Variants in ZNF787 observed in about 807,000 individuals in gnomAD.
ZNF787 encodes zinc finger protein 787, also known as TTF-I-interacting peptide 20.
ZNF787 carries 7 observed loss-of-function variants against 16.9 expected under a neutral mutation model. That is an observed-to-expected ratio of 0.42 (90% CI 0.24 to 0.78). The LOEUF is 0.78. Among genes scored for constraint, ZNF787 ranks in the 30% least tolerant of loss-of-function variants. The pLI, the probability that ZNF787 is intolerant of heterozygous loss-of-function variation, is 0.30. For missense variants in ZNF787, 551 were observed against 589.3 expected, an observed-to-expected ratio of 0.94 and a Z score of 0.67; for synonymous variants, 345 against 270.9, an observed-to-expected ratio of 1.27 and a Z score of -2.69.
In ZNF787 at chr19:56,108,070, G is replaced by A. The variant is rs376638983; in HGVS notation, c.-10-4843C>T. On this transcript the variant is annotated intron_variant, in intron 1 of 2. Coordinates refer to ENST00000610935, the MANE Select transcript of ZNF787 (RefSeq NM_001002836.4). The stretch of plus-strand genomic sequence containing the variant: ...GAGACCCTCGGGTCCCCTGCAACAC[G>A]TGAAGGGCAGCACTGGCGGCAGCAG... 2.4e-4 allele frequency among the ~76,000 whole-genome samples: 37 copies of A among 152,194 alleles called. No individual in the cohort carries two copies. The South Asian group carries it at 5.2e-3, about 21-fold the overall frequency.
chr19:56,116,366 C>T (rs1310715456), intron 1 of ZNF787, among the ~76,000 whole-genome samples: 10 of 152,008 alleles, frequency 6.6e-5, no homozygotes, highest in Admixed American at 5.9e-4. Context: ...GGCATAAACC[C>T]AGGAGGCGGA....
chr19:56,109,120 C>T (rs575673961), intron 1 of ZNF787, among the ~76,000 whole-genome samples: 54 of 152,244 alleles, frequency 3.5e-4, no homozygotes, highest in African/African-American at 1.0e-3. Flanking sequence ...GTGATCTCAA[C>T]GTTTTTCTTA....
chr19:56,106,095 C>T (rs1057056934), intron 1 of ZNF787, among the ~76,000 whole-genome samples: 2 of 148,904 alleles, frequency 1.3e-5, no homozygotes, highest in Non-Finnish European at 1.5e-5. Flanking sequence ...GCGCATTCCC[C>T]CTTCCGCGCC....
intron 1 of ZNF787, among the ~76,000 whole-genome samples, chr19:56,115,672 C>T (rs2030113631): frequency 6.6e-6 from 1 of 152,176 alleles, no homozygotes; most frequent in South Asian, 2.1e-4. Context: ...CACCCACACC[C>T]TCCCCGTCAG....
chr19:56,090,732 G>A (rs1041272774), intron 2 of ZNF787, among the ~76,000 whole-genome samples: 18 of 152,362 alleles, frequency 1.2e-4, no homozygotes, highest in African/African-American at 3.8e-4. Flanking sequence ...TGAGGCAGGA[G>A]AATGACTTGA....
chr19:56,097,149 A>G (rs1379809219), intron 2 of ZNF787, among the ~76,000 whole-genome samples: 2 of 151,952 alleles, frequency 1.3e-5, no homozygotes, highest in Non-Finnish European at 2.9e-5. Flanking sequence ...CTTTTTTCCC[A>G]GCACCCAGAC....
chr19:56,120,267 T>A (rs548576383), intron 1 of ZNF787, among the ~76,000 whole-genome samples: 4 of 151,986 alleles, frequency 2.6e-5, no homozygotes, highest in African/African-American at 9.6e-5. Context: ...CACTTTTCTG[T>A]GCGACTCTGC....
chr19:56,119,540 C>T (rs561641462), intron 1 of ZNF787, among the ~76,000 whole-genome samples: 1 of 152,360 alleles, frequency 6.6e-6, no homozygotes, highest in Admixed American at 6.5e-5. Context: ...ATTATTACCA[C>T]TCCCACTCTG....
At chr19:56,090,727 C>G (rs1201929895) in intron 2 of ZNF787, among the ~76,000 whole-genome samples, 1 of 152,186 alleles carries the variant, frequency 6.6e-6, no homozygotes, top group Non-Finnish European at 1.5e-5. Context: ...AAGGCTGAGG[C>G]AGGAGAATGA....
Position 56,087,994 on chromosome 19 carries a change from C to CAG in ZNF787, c.*28_*29insCT. ...TCGCTCCCGCCAAGCCCGAGGGGCC[C>CAG]TGCCCGCCCCCCCCCCCGGGCCCCT... On this transcript the variant is annotated 3_prime_UTR_variant, in exon 3 of 3. Coordinates refer to ENST00000610935, the MANE Select transcript of ZNF787 (RefSeq NM_001002836.4). 5.6e-6 allele frequency: 7 copies of CAG among 1,248,920 alleles called. No homozygotes were observed. Among genetic ancestry groups the CAG allele is most frequent in the Admixed American group, 5.4e-5 (1 of 18,428 alleles). 77.4% of individuals were successfully genotyped at this position (1,248,920 alleles called of 1,614,324 possible). A position where few individuals can be genotyped will look rare whatever the true frequency, so the allele number is the denominator to read the frequency against.
At chr19:56,115,079 A>C (rs4801676) in intron 1 of ZNF787, among the ~76,000 whole-genome samples, 105,853 of 151,808 alleles carry the variant, frequency 0.7, 41,703 homozygotes, top group South Asian at 0.94. Context: ...TCATTTCCTC[A>C]GCCCCGGGAC....
At chr19:56,096,262 T>TAAAAAAGTA (rs751527715) in intron 2 of ZNF787, among the ~76,000 whole-genome samples, 1 of 138,656 alleles carries the variant, frequency 7.2e-6, no homozygotes, top group African/African-American at 2.7e-5. Context: ...ATAAAAAAAA[T>TAAAAAAGTA]AAAAAAACTA....
chr19:56,089,576 G>A (rs1985493273), intron 2 of ZNF787, among the ~76,000 whole-genome samples: 1 of 152,130 alleles, frequency 6.6e-6, no homozygotes, highest in Non-Finnish European at 1.5e-5. Flanking sequence ...CCCTGAAGAC[G>A]TGCCCGCCAG....
chr19:56,088,902 G>C lies in ZNF787; in HGVS notation c.270C>G (p.Gly90=). The C allele has an allele frequency of 6.2e-7, 1 of 1,600,816 alleles. No homozygotes were observed. The highest frequency in any genetic ancestry group is 8.5e-7 in the Non-Finnish European group (1 of 1,173,364). ...AGTCGGCGCAGGCGTTGGGCCGCTC[G>C]CCGGTGTGCGTGCGCTGGTGCCGCG... is the stretch of plus-strand genomic sequence containing the variant. ...KLTRHQRTHT[G]ERPNACADCG... Residue 90 remains glycine (G), a synonymous_variant, in exon 3 of 3, where the codon GGC becomes GGG. Coordinates refer to ENST00000610935, the MANE Select transcript of ZNF787 (RefSeq NM_001002836.4). This position sits in a 1 kb window ranked among gnomAD's most constrained non-coding sequence, Gnocchi z 8.6.
intron 2 of ZNF787, among the ~76,000 whole-genome samples, chr19:56,095,154 C>T (rs909243723): frequency 6.6e-6 from 1 of 152,168 alleles, no homozygotes; most frequent in South Asian, 2.1e-4. Flanking sequence ...ACCTAGACCC[C>T]TCATATGTGC....
chr19:56,110,578 G>C (rs2123423658), intron 1 of ZNF787, among the ~76,000 whole-genome samples: 1 of 152,006 alleles, frequency 6.6e-6, no homozygotes, highest in African/African-American at 2.4e-5. Flanking sequence ...TTGGGGCTGA[G>C]GAGGTGGTGG....
chr19:56,107,408 G>A (rs544013786), intron 1 of ZNF787, among the ~76,000 whole-genome samples: 166 of 152,280 alleles, frequency 1.1e-3, no homozygotes, highest in African/African-American at 3.8e-3. Flanking sequence ...GAGCACCTGC[G>A]AGGACCAGCA....
chr19:56,105,991 C>T (rs112196903), intron 1 of ZNF787, among the ~76,000 whole-genome samples: 1 of 144,062 alleles, frequency 6.9e-6, no homozygotes, highest in Non-Finnish European at 1.5e-5. Context: ...TTCCCCCCTC[C>T]GCGCCCACGG....
At chr19:56,104,665 T>C (rs1986233691) in intron 1 of ZNF787, among the ~76,000 whole-genome samples, 1 of 152,008 alleles carries the variant, frequency 6.6e-6, no homozygotes. Flanking sequence ...CACCAACCCG[T>C]GACTGTGAAA....
Sources: allele counts gnomAD v4.1 joint callset (sites outside exome capture counted in the v4.1 genomes callset), GRCh38; gene constraint gnomAD v4.1.1; non-coding constraint Gnocchi (gnomAD v3.1); transcripts MANE v1.5; gene names NCBI Gene and HGNC (gene_info 2026-07-23, HGNC 2026-07-21).